Variants in TNIP1 observed in about 807,000 individuals in gnomAD.
The protein encoded by TNIP1 is TNFAIP3-interacting protein 1.
TNIP1 carries 22 observed loss-of-function variants against 86.6 expected under a neutral mutation model. That is an observed-to-expected ratio of 0.25 (90% confidence interval 0.18 to 0.36). The LOEUF (loss-of-function observed/expected upper bound fraction) is 0.36. TNIP1 is among the 10% of genes least tolerant of loss of function. The pLI is 1.00. For synonymous variants in TNIP1, 294 were observed against 313.0 expected, an observed-to-expected ratio of 0.94 and a Z score of 0.64; for missense variants, 709 against 820.6, an observed-to-expected ratio of 0.86 and a Z score of 1.66.
At chr5:151,055,574 C>G (rs972561823) in intron 6 of TNIP1, among the ~76,000 whole-genome samples, 2 of 152,212 alleles carry the variant, frequency 1.3e-5, no homozygotes, top group Non-Finnish European at 2.9e-5. Context: ...GCCTCACCTC[C>G]CAACACACCC....
At chr5:151,055,396 A>G (rs909354164) in intron 6 of TNIP1, among the ~76,000 whole-genome samples, 1 of 152,138 alleles carries the variant, frequency 6.6e-6, no homozygotes, top group African/African-American at 2.4e-5. Context: ...TGAAAAGTGG[A>G]TGCGCAAAGT....
intron 7 of TNIP1, among the ~76,000 whole-genome samples, chr5:151,050,791 T>C (rs1310989014): frequency 1.3e-5 from 2 of 151,702 alleles, no homozygotes; most frequent in Non-Finnish European, 2.9e-5. Flanking sequence ...CCCACCCTCT[T>C]GAGTAGCTGG....
chr5:151,053,018 C>T (rs954597802), intron 6 of TNIP1, among the ~76,000 whole-genome samples: 2 of 151,068 alleles, frequency 1.3e-5, no homozygotes, highest in African/African-American at 4.9e-5. Context: ...GGCATTCAGT[C>T]GGGACCTCAC....
intron 8 of TNIP1, among the ~76,000 whole-genome samples, chr5:151,049,099 A>G (rs141623289): frequency 1.3e-3 from 198 of 152,326 alleles, no homozygotes; most frequent in African/African-American, 4.6e-3. Context: ...GGTAATTGCT[A>G]CTATTGCATA....
chr5:151,060,504 G>T, intron 4 of TNIP1, 109 bp from the exon 5 acceptor site: 1 of 904,204 alleles, frequency 1.1e-6, no homozygotes, highest in Non-Finnish European at 1.8e-6. Flanking sequence ...CCCATTTTGA[G>T]TACACAGGGA....
intron 7 of TNIP1, among the ~76,000 whole-genome samples, chr5:151,050,632 G>A (rs1759786306): frequency 6.6e-6 from 1 of 152,090 alleles, no homozygotes; most frequent in East Asian, 1.9e-4. Flanking sequence ...TGACTAAAAT[G>A]TTTCTTCTTT....
At chr5:151,084,550 AC>A (rs1204066987), upstream of TNIP1, among the ~76,000 whole-genome samples, 1 of 151,972 alleles carries the variant, frequency 6.6e-6, no homozygotes, top group African/African-American at 2.4e-5. Context: ...GGGAGGTCTT[AC>A]GTTGAGTTTG....
intron 12 of TNIP1, among the ~76,000 whole-genome samples, chr5:151,038,884 C>T (rs146315685): frequency 6.6e-5 from 10 of 152,120 alleles, no homozygotes; most frequent in Non-Finnish European, 1.5e-4. Context: ...GGGAAGAGTG[C>T]ACCTCCAGAG....
chr5:151,072,713 TG>T (rs1249598927), intron 1 of TNIP1, among the ~76,000 whole-genome samples: 1 of 152,164 alleles, frequency 6.6e-6, no homozygotes, highest in South Asian at 2.1e-4. Context: ...TATCTCTAGT[TG>T]GTTCTAGCAC....
upstream of TNIP1, among the ~76,000 whole-genome samples, chr5:151,083,538 A>ACGCTGGGAGCTGAGTGACT (rs1411097593): frequency 1.3e-5 from 2 of 152,362 alleles, no homozygotes; most frequent in Admixed American, 1.3e-4. Context: ...GCTGGGCCTG[A>ACGCTGGGAGCTGAGTGACT]CGCTGGGAGC....
Position 151,032,047 on chromosome 5 carries a change from C to T in TNIP1, c.1876+240G>A, listed in dbSNP as rs1201236204. The T allele has an allele frequency of 7.5e-6, 4 of 530,882 alleles. No individual in the cohort carries two copies. The East Asian group carries it at 1.3e-4, about 17-fold the overall frequency. The allele number at this position is 530,882 out of a possible 1,614,324, so 32.9% of individuals were successfully genotyped here. A position where few individuals can be genotyped will look rare whatever the true frequency, so the allele number is the denominator to read the frequency against. On this transcript the variant is annotated intron_variant, in intron 17 of 17. Coordinates refer to ENST00000521591, the MANE Select transcript of TNIP1 (RefSeq NM_006058.5). ...GGCAAGGACTGTATCTGCTTCTGTTCTCTAGGCATCCATAGCACCTAGCAC... is the reference window on the plus strand; with the variant it reads ...GGCAAGGACTGTATCTGCTTCTGTTTTCTAGGCATCCATAGCACCTAGCAC...
Position 151,080,719 on chromosome 5 carries a change from C to G in TNIP1, c.-37+161G>C, listed in dbSNP as rs535995732. 5.7e-3 allele frequency among the ~76,000 whole-genome samples: 872 copies of G among 152,338 alleles called. 7 individuals carry two copies. The highest frequency in any genetic ancestry group is 0.02 in the African/African-American group (823 of 41,584). On this transcript the variant is annotated intron_variant, in intron 1 of 17. Coordinates refer to ENST00000521591, the MANE Select transcript of TNIP1 (RefSeq NM_006058.5). ...CCAAGCAGGGAGTAGCGGCTCAGCC[C>G]GGCTTGGCCGCTGGCGGAGACGCCC...
At chr5:151,063,270 C>T (rs1299249587) in intron 3 of TNIP1, among the ~76,000 whole-genome samples, 3 of 152,112 alleles carry the variant, frequency 2.0e-5, no homozygotes, top group Non-Finnish European at 2.9e-5. Context: ...GCTTGGAGTG[C>T]GATGCCTGGC....
At chr5:151,051,769 C>T (rs1224184780) in intron 7 of TNIP1, among the ~76,000 whole-genome samples, 1 of 152,110 alleles carries the variant, frequency 6.6e-6, no homozygotes, top group Non-Finnish European at 1.5e-5. Context: ...AAGTCTAAGC[C>T]CCCTAGTCCA....
chr5:151,081,073 T>A (rs1389842656), upstream of TNIP1: 1 of 151,400 alleles, frequency 6.6e-6, no homozygotes, highest in East Asian at 2.0e-4. Flanking sequence ...CCTGGGAAAG[T>A]CCCCGGAGAC....
At chr5:151,051,953 A>C (rs956820522) in intron 7 of TNIP1, among the ~76,000 whole-genome samples, 1 of 152,158 alleles carries the variant, frequency 6.6e-6, no homozygotes, top group Non-Finnish European at 1.5e-5. Flanking sequence ...GAAGCTCTCA[A>C]GGCACTCTAT....
intron 1 of TNIP1, among the ~76,000 whole-genome samples, chr5:151,079,516 C>A (rs531157079): frequency 1.3e-5 from 2 of 151,858 alleles, no homozygotes; most frequent in Admixed American, 1.3e-4. Context: ...CCCAGCTACT[C>A]GGGAGGCTGA....
intron 1 of TNIP1, among the ~76,000 whole-genome samples, chr5:151,067,932 A>G (rs949214660): frequency 3.3e-5 from 5 of 152,230 alleles, no homozygotes; most frequent in African/African-American, 1.2e-4. Flanking sequence ...GAAGGGACAA[A>G]GCAGGATGCA....
At chr5:151,057,196 A>G (rs1421102212) in intron 5 of TNIP1, among the ~76,000 whole-genome samples, 1 of 152,108 alleles carries the variant, frequency 6.6e-6, no homozygotes, top group Non-Finnish European at 1.5e-5. Context: ...CCTCCCACAC[A>G]CTGGGCCTTG....
Sources: allele counts gnomAD v4.1 joint callset (sites outside exome capture counted in the v4.1 genomes callset), GRCh38; gene constraint gnomAD v4.1.1; transcripts MANE v1.5; gene names NCBI Gene and HGNC (gene_info 2026-07-23, HGNC 2026-07-21).